SMARCB1: variants seen among roughly 807,000 people sequenced by gnomAD.
SMARCB1 encodes SWI/SNF-related matrix-associated actin-dependent regulator of chromatin subfamily B member 1.
A neutral mutation model predicts 49.0 loss-of-function variants in SMARCB1; 5 were observed. The ratio of observed to expected loss-of-function variants is 0.10; its 90% confidence interval spans 0.05 to 0.21. SMARCB1 has a LOEUF of 0.21. SMARCB1 is among the 10% of genes least tolerant of loss of function. SMARCB1 has a pLI of 1.00. For synonymous variants in SMARCB1, 201 were observed against 200.1 expected (o/e 1.00, Z -0.04); for missense variants, 226 against 509.2 (o/e 0.44, Z 5.35).
intron 5 of SMARCB1, among the ~76,000 whole-genome samples, chr22:23,809,757 G>A (rs1238856545): frequency 6.6e-6 from 1 of 151,936 alleles, no homozygotes; most frequent in Non-Finnish European, 1.5e-5. Flanking sequence ...AGAAGAAGTG[G>A]CATGATATTT....
intron 1 of SMARCB1, among the ~76,000 whole-genome samples, chr22:23,789,970 A>G (rs750349642): frequency 6.6e-6 from 1 of 152,130 alleles, no homozygotes; most frequent in African/African-American, 2.4e-5. Flanking sequence ...CTGTTCTGCC[A>G]TTAACAGACA....
intron 6 of SMARCB1, chr22:23,817,948 C>A (rs2029878048): frequency 6.6e-6 from 1 of 152,014 alleles, no homozygotes; most frequent in African/African-American, 2.4e-5. Flanking sequence ...GTCTCAGCCT[C>A]CTGAGTAGCT....
At position 23,796,595 on chromosome 22, in the gene SMARCB1, G is replaced by A. The variant is rs114783441; in HGVS notation, c.362+2907G>A. On this transcript the variant is annotated intron_variant, in intron 3 of 8. Coordinates refer to ENST00000644036, the MANE Select transcript of SMARCB1 (RefSeq NM_003073.5). ...CTCCAGGCTGGCCAGTGTTACAGAC[G>A]TGTGCTTTGCAGATTCTTTTTCCCC... 6.2e-3 allele frequency among the ~76,000 whole-genome samples: 941 copies of A among 152,314 alleles called. 11 individuals carry two copies. Among genetic ancestry groups the A allele is most frequent in the African/African-American group, 0.021 (878 of 41,564 alleles).
At chr22:23,797,127 T>G in intron 3 of SMARCB1, among the ~76,000 whole-genome samples, 2 of 143,194 alleles carry the variant, frequency 1.4e-5, no homozygotes, top group Admixed American at 7.1e-5. Context: ...GCCTCCCGAG[T>G]AGCTGGGACT....
In SMARCB1 at chr22:23,836,791, G is replaced by GT. The variant is rs2031081640; in HGVS notation, c.*2617dup. The GT allele has an allele frequency of 1.1e-5, 15 of 1,417,432 alleles. No homozygotes were observed. The highest frequency in any genetic ancestry group is 2.2e-4 in the Middle Eastern group (1 of 4,544). 87.8% of individuals were successfully genotyped at this position (1,417,432 alleles called of 1,614,324 possible). A position where few individuals can be genotyped will look rare whatever the true frequency, so the allele number is the denominator to read the frequency against. On this transcript the variant is annotated 3_prime_UTR_variant, in exon 9 of 9. Transcript: ENST00000644036. ...TGCATGGGCCCAGCCTTTAGGATGGGTTTTTTCTGCCCCAAGTAGGGGTCA... is the reference window on the plus strand; with the variant it reads ...TGCATGGGCCCAGCCTTTAGGATGGGTTTTTTTCTGCCCCAAGTAGGGGTCA...
chr22:23,811,372 C>G (rs1267884519), intron 5 of SMARCB1, among the ~76,000 whole-genome samples: 4 of 152,198 alleles, frequency 2.6e-5, no homozygotes, highest in South Asian at 4.1e-4. Context: ...GATGTAAGAT[C>G]AAAAACACTA....
intron 2 of SMARCB1, 50 bp from the exon 3 acceptor site, chr22:23,793,509 G>C (rs764401848): frequency 1.9e-6 from 3 of 1,611,160 alleles, no homozygotes; most frequent in Non-Finnish European, 2.5e-6. Context: ...GCTGGCTGCT[G>C]TGTGCCACCG....
chr22:23,787,544 C>A (rs1247564997), intron 1 of SMARCB1, among the ~76,000 whole-genome samples: 1 of 152,178 alleles, frequency 6.6e-6, no homozygotes, highest in Non-Finnish European at 1.5e-5. Context: ...GGGTTGGTTT[C>A]CAGTCAGACG....
chr22:23,808,124 T>C (rs1431108636), intron 5 of SMARCB1, among the ~76,000 whole-genome samples: 1 of 149,672 alleles, frequency 6.7e-6, no homozygotes, highest in East Asian at 2.0e-4. Flanking sequence ...CCCGGCTAAT[T>C]TTTTGTATTT....
At chr22:23,822,312 G>A (rs1362659115) in intron 6 of SMARCB1, among the ~76,000 whole-genome samples, 2 of 152,196 alleles carry the variant, frequency 1.3e-5, no homozygotes, top group African/African-American at 4.8e-5. Context: ...GCACTGTCCA[G>A]GCCCCGTCCA....
chr22:23,810,752 G>A (rs1391072886), intron 5 of SMARCB1, among the ~76,000 whole-genome samples: 1 of 151,684 alleles, frequency 6.6e-6, no homozygotes, highest in Non-Finnish European at 1.5e-5. Context: ...CTTTAAGGCT[G>A]GGCATGGTGG....
chr22:23,837,090 C>T lies in SMARCB1; in HGVS notation c.*2910C>T. The T allele has an allele frequency of 1.2e-6, 2 of 1,613,998 alleles. No individual in the cohort carries two copies. Among genetic ancestry groups the T allele is most frequent in the Non-Finnish European group, 1.7e-6 (2 of 1,179,912 alleles). On this transcript the variant is annotated 3_prime_UTR_variant, in exon 9 of 9. Coordinates refer to ENST00000644036, the MANE Select transcript of SMARCB1 (RefSeq NM_003073.5). The stretch of plus-strand genomic sequence containing the variant: ...GGAAGCCAGGGGTCTGCAGGAGCCT[C>T]TTGCCTCCAGGCTGGTTGGGGAAGA...
At chr22:23,804,686 G>A (rs34059408) in intron 5 of SMARCB1, among the ~76,000 whole-genome samples, 6,414 of 152,226 alleles carry the variant, frequency 0.042, 422 homozygotes, top group African/African-American at 0.15. Flanking sequence ...TGGAACTACA[G>A]GCGCGTGCCA....
intron 5 of SMARCB1, among the ~76,000 whole-genome samples, chr22:23,807,176 C>T (rs1427724827): frequency 1.3e-5 from 2 of 152,128 alleles, no homozygotes. Flanking sequence ...CAAGGGGATC[C>T]CCTCAGGAAG....
Position 23,835,941 on chromosome 22 carries a change from C to T in SMARCB1, c.*1761C>T, listed in dbSNP as rs551919700. 2 of 985,518 alleles carry T rather than the reference C, an allele frequency of 2.0e-6. No homozygotes were observed. The highest frequency in any genetic ancestry group is 9.4e-5 in the South Asian group (2 of 21,294). The allele number at this position is 985,518 out of a possible 1,614,324, so 61.0% of individuals were successfully genotyped here. On this transcript the variant is annotated 3_prime_UTR_variant, in exon 9 of 9. Coordinates refer to ENST00000644036, the MANE Select transcript of SMARCB1 (RefSeq NM_003073.5). ...GCTACAACACGGAGGGCAGACTCAA[C>T]AGAGAACAGTGTTGTTACCATGAAA... is the stretch of plus-strand genomic sequence containing the variant.
intron 5 of SMARCB1, among the ~76,000 whole-genome samples, chr22:23,804,540 G>T (rs1929373311): frequency 1.3e-5 from 2 of 151,232 alleles, no homozygotes; most frequent in South Asian, 4.2e-4. Context: ...TATCTTTCTG[G>T]TTTCTCTTTT....
At chr22:23,795,154 A>G (rs5996614) in intron 3 of SMARCB1, among the ~76,000 whole-genome samples, 17,512 of 151,866 alleles carry the variant, frequency 0.12, 2,735 homozygotes, top group African/African-American at 0.36. Flanking sequence ...TGGGCATGGT[A>G]GCTTATGCCT....
At chr22:23,831,531 A>G (rs17003983) in intron 7 of SMARCB1, among the ~76,000 whole-genome samples, 24,964 of 152,004 alleles carry the variant, frequency 0.16, 2,356 homozygotes, top group South Asian at 0.28. Context: ...CAGCATCTCC[A>G]TGCCCACATG....
chr22:23,787,034 C>G lies in SMARCB1; in HGVS notation c.-136C>G. On this transcript the variant is annotated 5_prime_UTR_variant, in exon 1 of 9. Transcript: ENST00000644036. ...CGGCGGCGGCGGCTGAGGAGCCCGG[C>G]TGAGGCGCCAGTACCCGGCCCGGTC... 1 of 572,354 alleles carries G rather than the reference C, an allele frequency of 1.7e-6. No individual in the cohort carries two copies. The highest frequency in any genetic ancestry group is 3.1e-6 in the Non-Finnish European group (1 of 327,266). The allele number at this position is 572,354 out of a possible 1,614,324, so 35.5% of individuals were successfully genotyped here. A position where few individuals can be genotyped will look rare whatever the true frequency, so the allele number is the denominator to read the frequency against.
Sources: gnomAD v4.1 joint callset for allele counts (sites outside exome capture counted in the v4.1 genomes callset) on GRCh38, gnomAD v4.1.1 for gene constraint, MANE v1.5 for transcripts, NCBI Gene and HGNC (gene_info 2026-07-23, HGNC 2026-07-21) for gene names.